Variants in MALRD1 observed in about 807,000 individuals in gnomAD.
MALRD1 encodes the protein MAM and LDL-receptor class A domain-containing protein 1.
In MALRD1, 247 loss-of-function variants were observed where a neutral mutation model predicts 242.1. The ratio of observed to expected loss-of-function variants is 1.02; its 90% CI spans 0.92 to 1.13. MALRD1 has a LOEUF of 1.13. MALRD1 is among the 50% of genes most tolerant of loss of function. MALRD1 has a pLI of 0.00. For missense variants in MALRD1, 2,989 were observed against 2,533.1 expected (o/e 1.18, Z -3.86); for synonymous variants, 995 against 866.6 (o/e 1.15, Z -2.60).
chr10:19,505,055 A>T (rs1300945347), intron 31 of MALRD1, among the ~76,000 whole-genome samples: 1 of 152,140 alleles, frequency 6.6e-6, no homozygotes, highest in East Asian at 1.9e-4. Context: ...GAAGGAGAAG[A>T]TGAGGGAGGA....
chr10:19,529,551 G>T lies in MALRD1; in HGVS notation c.5321-1643G>T, dbSNP rs1479217790. Among the ~76,000 whole-genome samples, 5 of 145,900 alleles carry T rather than the reference G, an allele frequency of 3.4e-5. No individual in the cohort carries two copies. The South Asian group carries it at 1.1e-3, about 34-fold the overall frequency. ...AGAAGACAGAAAAAAACAGGAGGGG[G>T]GGGGAGAAAACAAAGATTAAGGATA... is the stretch of plus-strand genomic sequence containing the variant. On this transcript the variant is annotated intron_variant, in intron 31 of 39. Transcript: ENST00000454679.
intron 2 of MALRD1, among the ~76,000 whole-genome samples, chr10:19,081,616 A>C (rs1265797199): frequency 2.6e-5 from 4 of 151,876 alleles, no homozygotes; most frequent in Non-Finnish European, 5.9e-5. Context: ...ACCTGTCAGG[A>C]GGGGAGAGGG....
chr10:19,065,298 A>AAAG, intron 1 of MALRD1, among the ~76,000 whole-genome samples: 1 of 150,334 alleles, frequency 6.7e-6, no homozygotes, highest in African/African-American at 2.4e-5. Flanking sequence ...AAAAAAAAAA[A>AAAG]AAAAAAAAAA....
intron 28 of MALRD1, among the ~76,000 whole-genome samples, chr10:19,444,825 C>G (rs1834876853): frequency 6.6e-6 from 1 of 152,072 alleles, no homozygotes; most frequent in Admixed American, 6.5e-5. Context: ...TTGTGGCATT[C>G]TCTGTATCTC....
intron 21 of MALRD1, among the ~76,000 whole-genome samples, chr10:19,289,567 A>G (rs1481865022): frequency 6.6e-6 from 1 of 152,174 alleles, no homozygotes; most frequent in Non-Finnish European, 1.5e-5. Flanking sequence ...CTCTAACCTT[A>G]TATCTCCTCT....
chr10:19,357,998 G>T (rs1844710184), intron 26 of MALRD1, among the ~76,000 whole-genome samples: 1 of 151,864 alleles, frequency 6.6e-6, no homozygotes, highest in African/African-American at 2.4e-5. Context: ...TCACATTTAA[G>T]AGCTTATCTG....
intron 36 of MALRD1, among the ~76,000 whole-genome samples, chr10:19,681,970 T>G (rs1842390983): frequency 6.6e-6 from 1 of 151,708 alleles, no homozygotes; most frequent in Non-Finnish European, 1.5e-5. Flanking sequence ...TAGCTGAGAC[T>G]ACAGGCATGC....
At chr10:19,457,264 C>T (rs1202323359) in intron 29 of MALRD1, among the ~76,000 whole-genome samples, 2 of 152,112 alleles carry the variant, frequency 1.3e-5, no homozygotes, top group African/African-American at 4.8e-5. Flanking sequence ...GAGGTAAAAG[C>T]AGTCACACAG....
At chr10:19,471,993 T>C (rs1443391403) in intron 29 of MALRD1, among the ~76,000 whole-genome samples, 1 of 151,922 alleles carries the variant, frequency 6.6e-6, no homozygotes, top group Non-Finnish European at 1.5e-5. Flanking sequence ...GCATTCTTGC[T>C]TTGTTCCTGA....
chr10:19,585,256 G>C (rs1589269008), intron 33 of MALRD1, among the ~76,000 whole-genome samples: 1 of 151,614 alleles, frequency 6.6e-6, no homozygotes, highest in East Asian at 1.9e-4. Flanking sequence ...GTGTGAATTT[G>C]ATCCTGTCAT....
At chr10:19,709,691 C>T (rs1038741597) in intron 38 of MALRD1, among the ~76,000 whole-genome samples, 7 of 152,004 alleles carry the variant, frequency 4.6e-5, no homozygotes, top group African/African-American at 1.7e-4. Flanking sequence ...TGTAATTTGA[C>T]TGAGTAGTGC....
chr10:19,688,803 T>C (rs1842703204), intron 36 of MALRD1, among the ~76,000 whole-genome samples: 1 of 152,246 alleles, frequency 6.6e-6, no homozygotes, highest in East Asian at 1.9e-4. Context: ...CTCACCCCTT[T>C]CAGGGAGATT....
At chr10:19,592,891 T>G (rs1837891086) in intron 33 of MALRD1, among the ~76,000 whole-genome samples, 1 of 151,886 alleles carries the variant, frequency 6.6e-6, no homozygotes, top group Non-Finnish European at 1.5e-5. Context: ...CTTAGCTAAG[T>G]CATAGATGTA....
chr10:19,622,938 G>A (rs1401247458), intron 36 of MALRD1, among the ~76,000 whole-genome samples: 1 of 151,816 alleles, frequency 6.6e-6, no homozygotes, highest in African/African-American at 2.4e-5. Flanking sequence ...GGAGTATTGG[G>A]GCAACTAGTA....
At chr10:19,379,250 A>G (rs934415456) in intron 26 of MALRD1, among the ~76,000 whole-genome samples, 1 of 152,066 alleles carries the variant, frequency 6.6e-6, no homozygotes, top group Non-Finnish European at 1.5e-5. Flanking sequence ...GCAACTAAAC[A>G]GCTTTTGGTT....
intron 1 of MALRD1, among the ~76,000 whole-genome samples, chr10:19,065,454 C>T (rs1342525106): frequency 6.6e-6 from 1 of 152,058 alleles, no homozygotes; most frequent in Non-Finnish European, 1.5e-5. Context: ...TCAATGAGAG[C>T]AGCTAGGAAT....
In MALRD1 at chr10:19,510,516, A is replaced by T. The variant is rs377623274; in HGVS notation, c.5320+11870A>T. On this transcript the variant is annotated intron_variant, in intron 31 of 39. Coordinates refer to ENST00000454679, the MANE Select transcript of MALRD1 (RefSeq NM_001142308.3). ...TACTTGAGAGTAGGGAGTGGTGATG[A>T]CTTTTAACAAGCATGCTGCCTTCAA... Among the ~76,000 whole-genome samples the T allele has an allele frequency of 5.4e-4, 82 of 152,306 alleles. No homozygotes were observed. The East Asian group carries it at 0.012, about 22-fold the overall frequency.
rs183619776 is a variant in MALRD1, at chr10:19,670,150, G to A, written c.6138-22132G>A. 4.6e-5 allele frequency among the ~76,000 whole-genome samples: 7 copies of A among 151,848 alleles called. No individual in the cohort carries two copies. In the East Asian group the frequency reaches 1.4e-3, roughly 29 times the overall value. ...AATAGGCATTCAGCACTGCCTTAAA[G>A]TTTCACTACATGTTTCTAGTTTGAA... On this transcript the variant is annotated intron_variant, in intron 36 of 39. Coordinates refer to ENST00000454679, the MANE Select transcript of MALRD1 (RefSeq NM_001142308.3).
At chr10:19,416,775 TC>T (rs1833528852) in intron 28 of MALRD1, among the ~76,000 whole-genome samples, 1 of 152,216 alleles carries the variant, frequency 6.6e-6, no homozygotes, top group South Asian at 2.1e-4. Flanking sequence ...AAAAAGGTTT[TC>T]ATCTATCATA....
Sources: allele counts gnomAD v4.1 joint callset (sites outside exome capture counted in the v4.1 genomes callset), GRCh38; gene constraint gnomAD v4.1.1; transcripts MANE v1.5; gene names NCBI Gene and HGNC (gene_info 2026-07-23, HGNC 2026-07-21).